HLCS: variants seen among roughly 807,000 people sequenced by gnomAD.
HLCS encodes the protein holocarboxylase synthetase.
Under a neutral mutation model 75.0 loss-of-function variants are expected in HLCS, and 53 were observed. That is an observed-to-expected ratio of 0.71 (90% CI 0.57 to 0.89). HLCS has a LOEUF of 0.89. Ranked by LOEUF, HLCS falls within the 40% of genes least tolerant of loss-of-function variation. The probability of loss-of-function intolerance (pLI) is 0.00; values close to 1 mark genes in which losing one functional copy is unlikely to be tolerated. For synonymous variants in HLCS, 431 were observed against 428.6 expected, an observed-to-expected ratio of 1.01 and a Z score of -0.07; for missense variants, 966 against 1,074.0, an observed-to-expected ratio of 0.90 and a Z score of 1.41.
chr21:36,946,754 T>G (rs529198416), intron 2 of HLCS, among the ~76,000 whole-genome samples: 5 of 152,308 alleles, frequency 3.3e-5, no homozygotes, highest in Middle Eastern at 3.4e-3. Flanking sequence ...TTCATTTAGC[T>G]CTACTTGTAT....
At chr21:36,964,774 A>G (rs769304496) in intron 1 of HLCS, among the ~76,000 whole-genome samples, 2 of 152,216 alleles carry the variant, frequency 1.3e-5, no homozygotes, top group Non-Finnish European at 2.9e-5. Flanking sequence ...TTCAAAAGTA[A>G]AACTGTCCAA....
rs183586726 is a variant in HLCS, at chr21:36,920,167, A to G, written c.1620+10084T>C. ...GGGCAAAAAGTAAGACTCCATCTCT[A>G]CAAAACACAAAAGTAAAATAGCCAG... On this transcript the variant is annotated intron_variant, in intron 5 of 10. Coordinates refer to ENST00000674895, the MANE Select transcript of HLCS (RefSeq NM_001352514.2). 4.5e-3 allele frequency among the ~76,000 whole-genome samples: 686 copies of G among 152,140 alleles called. 5 individuals are homozygous for G. The highest frequency in any genetic ancestry group is 0.016 in the African/African-American group (663 of 41,510).
intron 5 of HLCS, among the ~76,000 whole-genome samples, chr21:36,926,740 CCTT>C (rs1250930512): frequency 1.5e-5 from 2 of 133,468 alleles, no homozygotes; most frequent in Non-Finnish European, 3.3e-5. Context: ...AGTCTTGTTT[CCTT>C]TTTTTTTTTT....
Position 36,916,739 on chromosome 21 carries a change from T to C in HLCS, c.1620+13512A>G, listed in dbSNP as rs529902084. Among the ~76,000 whole-genome samples, 6 of 152,200 alleles carry C rather than the reference T, an allele frequency of 3.9e-5. No individual in the cohort carries two copies. The East Asian group carries it at 9.7e-4, about 24-fold the overall frequency. On this transcript the variant is annotated intron_variant, in intron 5 of 10. Transcript: ENST00000674895. The stretch of plus-strand genomic sequence containing the variant: ...CATGTGCTTTATAAATGCTGGTTCA[T>C]ATGAAGATGGAATATCCCCCTCAAC...
chr21:36,852,112 T>TG, intron 6 of HLCS: 1 of 152,370 alleles, frequency 6.6e-6, no homozygotes, highest in East Asian at 1.9e-4. Flanking sequence ...GTGGCACCCA[T>TG]GACTGTTCCT....
chr21:36,787,608 G>A (rs2060728955), intron 6 of HLCS, among the ~76,000 whole-genome samples: 1 of 152,152 alleles, frequency 6.6e-6, no homozygotes, highest in Non-Finnish European at 1.5e-5. Flanking sequence ...TGGACATGAT[G>A]GAAAGCTCCT....
intron 6 of HLCS, among the ~76,000 whole-genome samples, chr21:36,886,432 CAAAA>C (rs11297170): frequency 1.5e-5 from 1 of 66,922 alleles, no homozygotes. Context: ...GACTCCATCT[CAAAA>C]AAAAAAAAAA....
intron 6 of HLCS, among the ~76,000 whole-genome samples, chr21:36,787,378 A>C (rs966102896): frequency 3.3e-5 from 5 of 152,208 alleles, no homozygotes; most frequent in Admixed American, 6.5e-5. Flanking sequence ...CAGGAGGCAC[A>C]GAAGACCCCA....
At chr21:36,906,885 AG>A (rs2065480028) in intron 5 of HLCS, among the ~76,000 whole-genome samples, 1 of 152,184 alleles carries the variant, frequency 6.6e-6, no homozygotes, top group Non-Finnish European at 1.5e-5. Flanking sequence ...GTACAGAAAT[AG>A]GGCCAAACAT....
At chr21:36,883,245 G>A (rs1379459154) in intron 6 of HLCS, among the ~76,000 whole-genome samples, 1 of 152,184 alleles carries the variant, frequency 6.6e-6, no homozygotes, top group Non-Finnish European at 1.5e-5. Context: ...CACCTCCAAA[G>A]CAGGTAACTG....
intron 6 of HLCS, among the ~76,000 whole-genome samples, chr21:36,768,666 C>T (rs903329827): frequency 1.3e-5 from 2 of 152,218 alleles, no homozygotes; most frequent in South Asian, 2.1e-4. Context: ...AGGACGCTTT[C>T]GGCGAGCAGG....
intron 5 of HLCS, among the ~76,000 whole-genome samples, chr21:36,913,932 C>T (rs2065824521): frequency 6.6e-6 from 1 of 152,160 alleles, no homozygotes; most frequent in African/African-American, 2.4e-5. Context: ...GTGTCATATT[C>T]ACAAGGGTTC....
At chr21:36,934,514 T>A (rs2066792006) in intron 4 of HLCS, among the ~76,000 whole-genome samples, 1 of 152,226 alleles carries the variant, frequency 6.6e-6, no homozygotes, top group Non-Finnish European at 1.5e-5. Context: ...AAATTCCTGG[T>A]CCATTTGACA....
chr21:36,803,533 A>G (rs1275335596), intron 6 of HLCS, among the ~76,000 whole-genome samples: 1 of 152,224 alleles, frequency 6.6e-6, no homozygotes, highest in African/African-American at 2.4e-5. Flanking sequence ...TTCTGGAGGC[A>G]GCAGCTTGCT....
chr21:36,748,863 G>C lies in HLCS; in HGVS notation c.*5383C>G, dbSNP rs2089278018. ...GCAAAAATATATATGTAGCCAGACA[G>C]TTTATGAGAATGACCCTGTCAAGCT... is the stretch of plus-strand genomic sequence containing the variant. On this transcript the variant is annotated 3_prime_UTR_variant, in exon 11 of 11. Coordinates refer to ENST00000674895, the MANE Select transcript of HLCS (RefSeq NM_001352514.2). The C allele has an allele frequency of 6.6e-6, 1 of 152,590 alleles. No individual in the cohort carries two copies. The highest frequency in any genetic ancestry group is 1.5e-5 in the Non-Finnish European group (1 of 68,052). 9.5% of individuals were successfully genotyped at this position (152,590 alleles called of 1,614,324 possible). A position where few individuals can be genotyped will look rare whatever the true frequency, so the allele number is the denominator to read the frequency against.
intron 2 of HLCS, among the ~76,000 whole-genome samples, chr21:36,939,582 CCAGA>C (rs1601813732): frequency 6.6e-6 from 1 of 152,164 alleles, no homozygotes; most frequent in South Asian, 2.1e-4. Context: ...AAAAGACTCT[CCAGA>C]CAGTTCCTCC....
intron 6 of HLCS, among the ~76,000 whole-genome samples, chr21:36,820,672 T>C (rs983444883): frequency 1.3e-5 from 2 of 152,240 alleles, no homozygotes; most frequent in African/African-American, 4.8e-5. Context: ...GGCACAGGCC[T>C]GTACGCGCCC....
chr21:36,793,813 T>C (rs1340187410), intron 6 of HLCS, among the ~76,000 whole-genome samples: 1 of 152,238 alleles, frequency 6.6e-6, no homozygotes, highest in African/African-American at 2.4e-5. Context: ...GTCAGGCATG[T>C]GGCTGCTGGT....
intron 6 of HLCS, among the ~76,000 whole-genome samples, chr21:36,832,321 G>C (rs527379258): frequency 6.6e-6 from 1 of 152,342 alleles, no homozygotes; most frequent in Admixed American, 6.5e-5. Context: ...CACATAGCCA[G>C]AATCTCAGCA....
Sources: gnomAD v4.1 joint callset for allele counts (sites outside exome capture counted in the v4.1 genomes callset) on GRCh38, gnomAD v4.1.1 for gene constraint, MANE v1.5 for transcripts, NCBI Gene and HGNC (gene_info 2026-07-23, HGNC 2026-07-21) for gene names.